The following EFNA5 variants were observed in gnomAD, a reference collection of about 807,000 sequenced individuals.
The protein encoded by EFNA5 is ephrin A5, also known as ephrin-A5.
In EFNA5, 5 loss-of-function variants were observed where a neutral mutation model predicts 22.9. The ratio of observed to expected loss-of-function variants is 0.22; its 90% CI spans 0.11 to 0.46. The LOEUF (loss-of-function observed/expected upper bound fraction) is 0.46, where lower values mean the gene tolerates loss of function less well. Among genes scored for constraint, EFNA5 ranks in the 20% least tolerant of loss-of-function variants. The pLI is 0.99. For synonymous variants in EFNA5, 113 were observed against 112.2 expected (o/e 1.01, Z -0.04); for missense variants, 237 against 293.3 (o/e 0.81, Z 1.40).
intron 1 of EFNA5, among the ~76,000 whole-genome samples, chr5:107,459,468 T>C (rs1749780655): frequency 6.6e-6 from 1 of 151,712 alleles, no homozygotes; most frequent in South Asian, 2.1e-4. Flanking sequence ...GGCCTGAAGA[T>C]CATTTATCCT....
intron 2 of EFNA5, among the ~76,000 whole-genome samples, chr5:107,389,405 G>C (rs1406702084): frequency 2.6e-5 from 4 of 152,176 alleles, no homozygotes; most frequent in African/African-American, 7.2e-5. Flanking sequence ...GGTTCCTGAG[G>C]GAGTATATGT....
chr5:107,572,801 T>C (rs947935069), intron 1 of EFNA5, among the ~76,000 whole-genome samples: 2 of 152,180 alleles, frequency 1.3e-5, no homozygotes, highest in Admixed American at 1.3e-4. Context: ...ACCTAATTCT[T>C]TGTCATTTTT....
At chr5:107,398,360 C>A (rs1747984536) in intron 2 of EFNA5, among the ~76,000 whole-genome samples, 1 of 152,120 alleles carries the variant, frequency 6.6e-6, no homozygotes, top group Non-Finnish European at 1.5e-5. Context: ...TCCTTACTAG[C>A]ACTTAACCCA....
chr5:107,660,261 CATATATATATATAT>C (rs56838945), intron 1 of EFNA5, among the ~76,000 whole-genome samples: 2,623 of 52,268 alleles, frequency 0.05, 90 homozygotes, highest in African/African-American at 0.073. Flanking sequence ...ATGGCAAAAA[CATATATATATATAT>C]ATATATATAT....
At chr5:107,582,634 T>C (rs1351648742) in intron 1 of EFNA5, among the ~76,000 whole-genome samples, 2 of 152,134 alleles carry the variant, frequency 1.3e-5, no homozygotes, top group African/African-American at 4.8e-5. Flanking sequence ...GTCCAAATGA[T>C]ATTCCTTCAA....
chr5:107,451,757 G>A (rs1749565584), intron 1 of EFNA5, among the ~76,000 whole-genome samples: 1 of 152,152 alleles, frequency 6.6e-6, no homozygotes, highest in South Asian at 2.1e-4. Flanking sequence ...GAAACAGGAA[G>A]GCTTTTCCAC....
chr5:107,467,218 C>G (rs1418493947), intron 1 of EFNA5, among the ~76,000 whole-genome samples: 2 of 152,080 alleles, frequency 1.3e-5, no homozygotes, highest in Non-Finnish European at 2.9e-5. Context: ...AAGTGAATAC[C>G]TAGACCTTTA....
At chr5:107,654,422 G>A (rs1398837230) in intron 1 of EFNA5, among the ~76,000 whole-genome samples, 1 of 151,914 alleles carries the variant, frequency 6.6e-6, no homozygotes, top group Non-Finnish European at 1.5e-5. Flanking sequence ...AATGATTAAG[G>A]CTATATAAAA....
intron 2 of EFNA5, among the ~76,000 whole-genome samples, chr5:107,399,318 C>CCGAAA (rs1402282845): frequency 3.2e-5 from 3 of 94,570 alleles, no homozygotes; most frequent in East Asian, 5.3e-4. Context: ...AGGAAGGAAA[C>CCGAAA]GGAAAGGAAA....
chr5:107,609,064 C>T lies in EFNA5; in HGVS notation c.125+61425G>A, dbSNP rs1749774770. On this transcript the variant is annotated intron_variant, in intron 1 of 4. Coordinates refer to ENST00000333274, the MANE Select transcript of EFNA5 (RefSeq NM_001962.3). The stretch of plus-strand genomic sequence containing the variant: ...ACATGGGCCTTGCATATTCCATACA[C>T]ATACATATACAGCTACAATAATTTA... 2.6e-5 allele frequency among the ~76,000 whole-genome samples: 4 copies of T among 152,178 alleles called. 1 individual carries two copies. In the South Asian group the frequency reaches 6.2e-4, roughly 24 times the overall value.
At chr5:107,664,940 C>T (rs1751037260) in intron 1 of EFNA5, among the ~76,000 whole-genome samples, 1 of 151,428 alleles carries the variant, frequency 6.6e-6, no homozygotes, top group African/African-American at 2.4e-5. Flanking sequence ...CGAAGTTATT[C>T]AACACATGCA....
At chr5:107,407,392 G>C (rs983842373) in intron 2 of EFNA5, among the ~76,000 whole-genome samples, 5 of 152,138 alleles carry the variant, frequency 3.3e-5, no homozygotes, top group Non-Finnish European at 7.3e-5. Flanking sequence ...CAAAACTCAA[G>C]TTTATGGGGG....
Position 107,670,395 on chromosome 5 carries a change from G to GCCAGCGGTTGGTGCGCGCCGATC in EFNA5, c.125+71_125+93dup, listed in dbSNP as rs1352683360. 3.5e-6 allele frequency: 5 copies of GCCAGCGGTTGGTGCGCGCCGATC among 1,412,656 alleles called. No individual in the cohort carries two copies. In the East Asian group the frequency reaches 1.4e-4, roughly 40 times the overall value. The allele number at this position is 1,412,656 out of a possible 1,614,324, so 87.5% of individuals were successfully genotyped here. On this transcript the variant is annotated intron_variant, in intron 1 of 4. Transcript: ENST00000333274. ...GACGCAGGCTCCGAGGGTGCGCGCCGCCAGCGGTTGGTGCGCGCCGATCCC... is the reference window on the plus strand; with the variant it reads ...GACGCAGGCTCCGAGGGTGCGCGCCGCCAGCGGTTGGTGCGCGCCGATCCCAGCGGTTGGTGCGCGCCGATCCC...
intron 1 of EFNA5, among the ~76,000 whole-genome samples, chr5:107,516,877 G>A (rs1024137994): frequency 2.6e-4 from 40 of 152,138 alleles, no homozygotes; most frequent in Non-Finnish European, 5.6e-4. Flanking sequence ...TTCAGTGAAA[G>A]AAGTCAGACA....
chr5:107,461,548 G>C (rs1475889075), intron 1 of EFNA5, among the ~76,000 whole-genome samples: 1 of 152,082 alleles, frequency 6.6e-6, no homozygotes, highest in South Asian at 2.1e-4. Flanking sequence ...GGGGGAGAAA[G>C]ACTGTGATCT....
intron 1 of EFNA5, among the ~76,000 whole-genome samples, chr5:107,461,323 C>G (rs1365972956): frequency 1.3e-5 from 2 of 152,112 alleles, no homozygotes; most frequent in Admixed American, 1.3e-4. Flanking sequence ...CACATAGAGA[C>G]AGAACTTGCC....
chr5:107,490,891 T>C (rs1746786340), intron 1 of EFNA5, among the ~76,000 whole-genome samples: 1 of 152,234 alleles, frequency 6.6e-6, no homozygotes. Context: ...TAAGGTATCT[T>C]GCAGAGATCC....
chr5:107,670,758 A>C lies in EFNA5; in HGVS notation c.-145T>G. 1 of 1,175,454 alleles carries C rather than the reference A, an allele frequency of 8.5e-7. No homozygotes were observed. The highest frequency in any genetic ancestry group is 1.2e-6 in the Non-Finnish European group (1 of 848,214). The allele number at this position is 1,175,454 out of a possible 1,614,324, so 72.8% of individuals were successfully genotyped here. A position where few individuals can be genotyped will look rare whatever the true frequency, so the allele number is the denominator to read the frequency against. The stretch of plus-strand genomic sequence containing the variant: ...TAAAAATGAAAGTGGGCGAGAAAGG[A>C]AAGAGGCGCCCACCAAGCTGGGGAG... On this transcript the variant is annotated 5_prime_UTR_variant, in exon 1 of 5. Coordinates refer to ENST00000333274, the MANE Select transcript of EFNA5 (RefSeq NM_001962.3).
At chr5:107,567,130 G>A (rs540474877) in intron 1 of EFNA5, among the ~76,000 whole-genome samples, 2 of 152,302 alleles carry the variant, frequency 1.3e-5, no homozygotes, top group South Asian at 4.1e-4. Context: ...GTTGTCCTAT[G>A]TGTATGTAGC....
Sources: gnomAD v4.1 joint callset for allele counts (sites outside exome capture counted in the v4.1 genomes callset) on GRCh38, gnomAD v4.1.1 for gene constraint, MANE v1.5 for transcripts, NCBI Gene and HGNC (gene_info 2026-07-23, HGNC 2026-07-21) for gene names.